The following SRPX variants were observed in gnomAD, a reference collection of about 807,000 sequenced individuals.
The protein encoded by SRPX is sushi repeat containing protein X-linked.
SRPX carries 24 observed loss-of-function variants against 38.1 expected under a neutral mutation model. The observed-to-expected ratio is 0.63, with a 90% CI of 0.46 to 0.89. The LOEUF (loss-of-function observed/expected upper bound fraction) is 0.89. Ranked by LOEUF, SRPX falls within the 40% of genes least tolerant of loss-of-function variation. The pLI is 0.00. For missense variants in SRPX, 416 were observed against 377.8 expected (o/e 1.10, Z -0.84); for synonymous variants, 184 against 153.8 (o/e 1.20, Z -1.45).
intron 7 of SRPX, 74 bp from the exon 8 acceptor site, chrX:38,157,103 C>T: frequency 9.0e-7 from 1 of 1,112,456 alleles, no homozygotes; most frequent in Non-Finnish European, 1.2e-6. Context: ...TGATGACACA[C>T]AGAACCATTT....
At chrX:38,174,750 TA>T (rs1461616985) in intron 2 of SRPX, among the ~76,000 whole-genome samples, 1 of 112,235 alleles carries the variant, frequency 8.9e-6, no homozygotes, top group Admixed American at 9.4e-5. Context: ...TAAGATTTTT[TA>T]TTTTTATTTT....
rs188271936 is a variant in SRPX, at chrX:38,154,886, A to T, written c.1090-303T>A. 5.8e-3 allele frequency among the ~76,000 whole-genome samples: 645 copies of T among 111,628 alleles called. 6 individuals are homozygous for T. The highest frequency in any genetic ancestry group is 0.013 in the Admixed American group (139 of 10,522). On this transcript the variant is annotated intron_variant, in intron 8 of 9. Coordinates refer to ENST00000378533, the MANE Select transcript of SRPX (RefSeq NM_006307.5). ...GAGTGAGTCAAATTTCCTAAAAAGT[A>T]TCCAAGACCACCCCAGAGGATTCTA...
chrX:38,187,396 T>C (rs1026636799), intron 1 of SRPX, among the ~76,000 whole-genome samples: 10 of 111,804 alleles, frequency 8.9e-5, no homozygotes, highest in African/African-American at 3.3e-4. Flanking sequence ...TTCATCTTAA[T>C]AACCACCAGG....
intron 1 of SRPX, among the ~76,000 whole-genome samples, chrX:38,199,379 C>A (rs1601868513): frequency 9.0e-6 from 1 of 110,872 alleles, no homozygotes; most frequent in East Asian, 2.8e-4. Context: ...GCACTCCAGC[C>A]TGGGCGACAG....
At chrX:38,178,436 A>C (rs999168866) in intron 1 of SRPX, 92 bp from the exon 2 acceptor site, 25 of 727,574 alleles carry the variant, frequency 3.4e-5, no homozygotes, top group Non-Finnish European at 4.9e-5. Flanking sequence ...ACCATGCAGG[A>C]GGTGCTATTA....
At chrX:38,207,320 G>A (rs976919685) in intron 1 of SRPX, among the ~76,000 whole-genome samples, 2 of 112,027 alleles carry the variant, frequency 1.8e-5, no homozygotes, top group Admixed American at 1.9e-4. Flanking sequence ...ATGGGAGAGA[G>A]GAGAAACAGA....
intron 1 of SRPX, among the ~76,000 whole-genome samples, chrX:38,217,800 G>A (rs773139917): frequency 6.2e-5 from 7 of 112,090 alleles, no homozygotes; most frequent in Non-Finnish European, 1.3e-4. Context: ...TGAAGACGCT[G>A]CTTTAACAAT....
At chrX:38,205,373 G>A (rs1939189754) in intron 1 of SRPX, among the ~76,000 whole-genome samples, 2 of 112,086 alleles carry the variant, frequency 1.8e-5, no homozygotes, top group Admixed American at 1.9e-4. Flanking sequence ...CAAATATTTT[G>A]TCTGCTTTAA....
chrX:38,217,161 C>T (rs928480519), intron 1 of SRPX, among the ~76,000 whole-genome samples: 6 of 112,530 alleles, frequency 5.3e-5, no homozygotes, highest in African/African-American at 1.9e-4. Flanking sequence ...GTGGGAAATA[C>T]AAATAAGGGT....
At chrX:38,174,885 A>T (rs1938541800) in intron 2 of SRPX, among the ~76,000 whole-genome samples, 1 of 112,163 alleles carries the variant, frequency 8.9e-6, no homozygotes, top group Non-Finnish European at 1.9e-5. Context: ...ACTGGCATTA[A>T]TCTAAATGAT....
intron 6 of SRPX, 80 bp from the exon 7 acceptor site, chrX:38,160,276 G>A (rs1938220161): frequency 3.0e-6 from 3 of 1,016,656 alleles, no homozygotes; most frequent in Non-Finnish European, 4.1e-6. Context: ...GGATGCAGAG[G>A]CATCAGCTTT....
intron 1 of SRPX, among the ~76,000 whole-genome samples, chrX:38,211,943 T>G (rs12011757): frequency 0.33 from 36,020 of 110,447 alleles, 4,813 homozygotes; most frequent in Non-Finnish European, 0.42. Context: ...AACCCCAGTG[T>G]CATTGATTTC....
At chrX:38,211,082 C>T (rs1939312334) in intron 1 of SRPX, among the ~76,000 whole-genome samples, 1 of 112,355 alleles carries the variant, frequency 8.9e-6, no homozygotes, top group South Asian at 3.7e-4. Context: ...ACCAAGTAGC[C>T]ATAGACAAAT....
chrX:38,178,304 A>G lies in SRPX; in HGVS notation c.138T>C (p.Tyr46=). The change falls in exon 2 of 10, where the codon TAT becomes TAC. Residue 46 remains tyrosine, a synonymous_variant. Transcript: ENST00000378533. ...DSPLEDDEVG[Y]SHPRYKDTPW... is the part of the protein sequence containing the mutation. ...ATTCACCTTTATATCTAGGGTGTGA[A>G]TACCCGACTTCATCGTCTTCTAGTG... 1 of 1,210,408 alleles carries G rather than the reference A, an allele frequency of 8.3e-7. No individual in the cohort carries two copies. Among genetic ancestry groups the G allele is most frequent in the South Asian group, 1.8e-5 (1 of 56,812 alleles).
intron 1 of SRPX, among the ~76,000 whole-genome samples, chrX:38,190,840 T>C (rs1225944011): frequency 9.0e-6 from 1 of 111,625 alleles, no homozygotes; most frequent in Non-Finnish European, 1.9e-5. Context: ...TTATTCCTCA[T>C]ACCTATGTGG....
At chrX:38,160,785 G>T in intron 6 of SRPX, 148 bp downstream of exon 6, 2 of 656,731 alleles carry the variant, frequency 3.0e-6, no homozygotes, top group Non-Finnish European at 4.5e-6. Context: ...TTAAGATAGG[G>T]CACTTCCCCA....
chrX:38,199,178 G>A (rs930958235), intron 1 of SRPX, among the ~76,000 whole-genome samples: 33 of 90,163 alleles, frequency 3.7e-4, no homozygotes, highest in African/African-American at 1.2e-3. Flanking sequence ...AGGCCGAGGC[G>A]GGTGGATCAC....
At chrX:38,205,127 A>G (rs938409062) in intron 1 of SRPX, among the ~76,000 whole-genome samples, 2 of 112,485 alleles carry the variant, frequency 1.8e-5, no homozygotes, top group African/African-American at 3.2e-5. Flanking sequence ...CATAAAGTCC[A>G]GTGAGAGAGA....
intron 1 of SRPX, among the ~76,000 whole-genome samples, chrX:38,210,731 T>C (rs1713868074): frequency 8.9e-6 from 1 of 112,494 alleles, no homozygotes; most frequent in Admixed American, 9.4e-5. Context: ...ACCTTGAGAA[T>C]GAGACACCCA....
Sources: gnomAD v4.1 joint callset for allele counts (sites outside exome capture counted in the v4.1 genomes callset) on GRCh38, gnomAD v4.1.1 for gene constraint, MANE v1.5 for transcripts, NCBI Gene and HGNC (gene_info 2026-07-23, HGNC 2026-07-21) for gene names.